SETD5: variants seen among roughly 807,000 people sequenced by gnomAD.
The protein encoded by SETD5 is histone-lysine N-methyltransferase SETD5.
Under a neutral mutation model 153.3 loss-of-function variants are expected in SETD5, and 44 were observed. The ratio of observed to expected loss-of-function variants is 0.29; its 90% CI spans 0.23 to 0.37. The LOEUF (loss-of-function observed/expected upper bound fraction) is 0.37. Among genes scored for constraint, SETD5 ranks in the 10% least tolerant of loss-of-function variants. The pLI is 1.00. For missense variants in SETD5, 1,544 were observed against 1,768.0 expected, an observed-to-expected ratio of 0.87 and a Z score of 2.27; for synonymous variants, 716 against 645.2, an observed-to-expected ratio of 1.11 and a Z score of -1.66.
chr3:9,405,154 A>G (rs987863068), intron 1 of SETD5, among the ~76,000 whole-genome samples: 1 of 152,234 alleles, frequency 6.6e-6, no homozygotes, highest in African/African-American at 2.4e-5. Context: ...CTTTCTTGAT[A>G]AACCATTTCA....
At chr3:9,448,360 T>A (rs1200182246) in intron 15 of SETD5, 28 bp from the exon 16 acceptor site, 14 of 1,609,062 alleles carry the variant, frequency 8.7e-6, no homozygotes, top group Non-Finnish European at 1.1e-5. Flanking sequence ...TCTTGATTTA[T>A]AAACTAATGA....
chr3:9,440,675 A>G lies in SETD5; in HGVS notation c.787A>G (p.Thr263Ala). 6.2e-7 allele frequency: 1 copy of G among 1,613,362 alleles called. No individual in the cohort carries two copies. The highest frequency in any genetic ancestry group is 8.5e-7 in the Non-Finnish European group (1 of 1,179,616). ...TAAGACTGAATTGGCCTGTAATAAC[A>G]CAGTTATTGGTTCCCAAATGCAGGT... ...INKTELACNN[T>A]VIGSQMQLQL... The change falls in exon 8 of 23, where the codon ACA (threonine) becomes GCA (alanine). Residue 263 changes from threonine (T) to alanine (A), a missense_variant. Physicochemically the swap from Thr to Ala is moderately conservative, Grantham distance 58. Around this residue, in one of 9 missense-constraint regions of SETD5, gnomAD observed 251 missense variants for 326.9 expected, o/e 0.77. Coordinates refer to ENST00000402198, the MANE Select transcript of SETD5 (RefSeq NM_001080517.3).
At chr3:9,440,399 C>A (rs878922906) in intron 7 of SETD5, 57 bp from the exon 8 acceptor site, 7 of 939,176 alleles carry the variant, frequency 7.5e-6, no homozygotes, top group Non-Finnish European at 1.0e-5. Flanking sequence ...CACCCCCATT[C>A]CCAACCCTCT....
chr3:9,469,557 T>G (rs2125566270), intron 18 of SETD5, among the ~76,000 whole-genome samples: 1 of 152,308 alleles, frequency 6.6e-6, no homozygotes, highest in Admixed American at 6.5e-5. Context: ...GAGATTTTCT[T>G]GGTGTTTTGA....
At chr3:9,462,171 A>G (rs1310571762) in intron 17 of SETD5, among the ~76,000 whole-genome samples, 2 of 152,188 alleles carry the variant, frequency 1.3e-5, no homozygotes, top group Non-Finnish European at 2.9e-5. Context: ...TACTAGTCTC[A>G]TACTGACCAT....
At chr3:9,465,789 T>C (rs1321375008) in intron 18 of SETD5, among the ~76,000 whole-genome samples, 1 of 152,212 alleles carries the variant, frequency 6.6e-6, no homozygotes, top group Admixed American at 6.5e-5. Context: ...CCAGATTATT[T>C]ATGAAATTCT....
intron 17 of SETD5, among the ~76,000 whole-genome samples, chr3:9,463,479 G>C (rs1309460103): frequency 6.6e-6 from 1 of 152,220 alleles, no homozygotes; most frequent in South Asian, 2.1e-4. Flanking sequence ...AATCAAGTGA[G>C]AAAGGTGCTT....
At chr3:9,473,204 C>A in intron 19 of SETD5, 32 bp from the exon 20 acceptor site, 2 of 1,596,924 alleles carry the variant, frequency 1.3e-6, no homozygotes, top group Non-Finnish European at 1.7e-6. Context: ...GATAGAGTAC[C>A]GTTTTTTGTT....
intron 1 of SETD5, among the ~76,000 whole-genome samples, chr3:9,402,449 G>A (rs1343621998): frequency 1.3e-5 from 2 of 152,130 alleles, no homozygotes; most frequent in Non-Finnish European, 2.9e-5. Flanking sequence ...CTTACTTAAT[G>A]TAAGGTCACA....
intron 2 of SETD5, among the ~76,000 whole-genome samples, chr3:9,425,598 GAA>G (rs2039066616): frequency 7.7e-6 from 1 of 130,600 alleles, no homozygotes. Context: ...TTTTTTTGGA[GAA>G]AGAGTTTCAC....
intron 20 of SETD5, 122 bp downstream of exon 20, chr3:9,473,659 GCCAACAGTA>G: frequency 1.0e-6 from 1 of 985,388 alleles, no homozygotes. Flanking sequence ...GAGACAGCCA[GCCAACAGTA>G]CCATCTGTCC....
At chr3:9,410,023 T>G (rs111423061) in intron 1 of SETD5, among the ~76,000 whole-genome samples, 2,711 of 152,274 alleles carry the variant, frequency 0.018, 87 homozygotes, top group African/African-American at 0.06. Flanking sequence ...GAGATAGAGA[T>G]AGTCATGCCT....
At chr3:9,451,717 A>G (rs957143513) in intron 16 of SETD5, among the ~76,000 whole-genome samples, 1 of 152,112 alleles carries the variant, frequency 6.6e-6, no homozygotes, top group Non-Finnish European at 1.5e-5. Flanking sequence ...TTCTGCTGGG[A>G]TTACAGATAC....
chr3:9,412,345 C>T (rs2036690322), intron 1 of SETD5, among the ~76,000 whole-genome samples: 1 of 148,782 alleles, frequency 6.7e-6, no homozygotes, highest in African/African-American at 2.5e-5. Context: ...TTTTCCCCCA[C>T]CACCAAAAAA....
In SETD5 at chr3:9,477,245, C is replaced by G. The variant is rs780656569; in HGVS notation, c.*1154C>G. ...ATGAGAGATGAGAGCAGACCGGCTT[C>G]TCCCCATCAGTGCATTGTGCCTGTT... On this transcript the variant is annotated 3_prime_UTR_variant, in exon 23 of 23. Coordinates refer to ENST00000402198, the MANE Select transcript of SETD5 (RefSeq NM_001080517.3). 1 of 152,682 alleles carries G rather than the reference C, an allele frequency of 6.5e-6. No individual in the cohort carries two copies. Among genetic ancestry groups the G allele is most frequent in the African/African-American group, 2.4e-5 (1 of 41,456 alleles). 9.5% of individuals were successfully genotyped at this position (152,682 alleles called of 1,614,324 possible). A position where few individuals can be genotyped will look rare whatever the true frequency, so the allele number is the denominator to read the frequency against.
At chr3:9,404,682 C>T (rs938792983) in intron 1 of SETD5, among the ~76,000 whole-genome samples, 9 of 152,206 alleles carry the variant, frequency 5.9e-5, no homozygotes, top group Admixed American at 2.6e-4. Context: ...CCTTTACACC[C>T]TCCCCCTTCC....
chr3:9,472,648 T>C (rs1055879525), intron 19 of SETD5, among the ~76,000 whole-genome samples: 1 of 152,178 alleles, frequency 6.6e-6, no homozygotes, highest in Non-Finnish European at 1.5e-5. Context: ...TTAAGTATCC[T>C]GGAGCATTGG....
chr3:9,445,370 G>C (rs145213876), intron 12 of SETD5, 70 bp downstream of exon 12: 1 of 1,531,994 alleles, frequency 6.5e-7, no homozygotes, highest in Non-Finnish European at 8.9e-7. Context: ...CCGGGTTGCC[G>C]CATGGTTTAA....
rs1467333727 is a variant in SETD5 at position 9,464,544 on chromosome 3, C to T, written c.2596C>T (p.Pro866Ser). The T allele has an allele frequency of 1.9e-6, 3 of 1,613,802 alleles. No homozygotes were observed. Among genetic ancestry groups the T allele is most frequent in the African/African-American group, 2.7e-5 (2 of 74,906 alleles). ...PPPPNSGSKSPQLATPGSSHP... is the reference protein window; with the variant it reads ...PPPPNSGSKSSQLATPGSSHP... ...CCCTCCCAATTCAGGCTCAAAGAGT[C>T]CCCAGCTGGCCACACCTGGCTCATC... The change falls in exon 18 of 23, where the codon CCC becomes TCC. Residue 866 changes from proline (P) to serine (S), a missense_variant. Transcript: ENST00000402198.
Sources: gnomAD v4.1 joint callset for allele counts (sites outside exome capture counted in the v4.1 genomes callset) on GRCh38, gnomAD v4.1.1 for gene constraint, gnomAD v4.1.1 regional missense constraint, MANE v1.5 for transcripts, NCBI Gene and HGNC (gene_info 2026-07-23, HGNC 2026-07-21) for gene names.